The following ADAMTS14 variants were observed in gnomAD, a reference collection of about 807,000 sequenced individuals.
ADAMTS14 encodes A disintegrin and metalloproteinase with thrombospondin motifs 14.
ADAMTS14 carries 100 observed loss-of-function variants against 128.6 expected under a neutral mutation model. The ratio of observed to expected loss-of-function variants is 0.78; its 90% CI spans 0.66 to 0.92. The LOEUF is 0.92. Among genes scored for constraint, ADAMTS14 ranks in the 40% least tolerant of loss-of-function variants. The probability of loss-of-function intolerance (pLI) is 0.00; values close to 1 mark genes in which losing one functional copy is unlikely to be tolerated. For synonymous variants in ADAMTS14, 665 were observed against 653.8 expected (o/e 1.02, Z -0.26); for missense variants, 1,562 against 1,658.6 (o/e 0.94, Z 1.01).
chr10:70,706,360 C>T (rs1441714889), intron 3 of ADAMTS14, among the ~76,000 whole-genome samples: 1 of 152,238 alleles, frequency 6.6e-6, no homozygotes, highest in African/African-American at 2.4e-5. Flanking sequence ...ACAGGCCTGG[C>T]AGGGAGGGCT....
chr10:70,678,341 T>C (rs555893906), intron 2 of ADAMTS14, among the ~76,000 whole-genome samples: 91 of 152,322 alleles, frequency 6.0e-4, no homozygotes, highest in African/African-American at 2.1e-3. Flanking sequence ...AACCCACCAG[T>C]AGTTTCAGCA....
In ADAMTS14 at chr10:70,760,486, C is replaced by G. The variant is rs1842581886; in HGVS notation, c.3305C>G (p.Pro1102Arg). Residue 1102 changes from proline to arginine, a missense_variant, in exon 22 of 22, where the codon CCT becomes CGT. Coordinates refer to ENST00000373207, the MANE Select transcript of ADAMTS14 (RefSeq NM_080722.4). ...SCIKKASGPN[P>R]GPDPGPTSLP... Reference sequence around the variant, plus strand: ...ATCAAGAAGGCCTCGGGCCCCAACCCTGGCCCAGACCCTGGCCCAACCTCA... The same window carrying G: ...ATCAAGAAGGCCTCGGGCCCCAACCGTGGCCCAGACCCTGGCCCAACCTCA... 1.2e-6 allele frequency: 2 copies of G among 1,613,866 alleles called. No homozygotes were observed. Among genetic ancestry groups the G allele is most frequent in the South Asian group, 2.2e-5 (2 of 91,082 alleles).
intron 1 of ADAMTS14, 146 bp downstream of exon 1, chr10:70,673,030 C>G (rs1385131778): frequency 8.4e-7 from 1 of 1,190,544 alleles, no homozygotes; most frequent in Non-Finnish European, 1.1e-6. Flanking sequence ...GTCTTTTCTT[C>G]CACTGTGCCA....
chr10:70,706,343 T>C (rs1840666769), intron 3 of ADAMTS14, among the ~76,000 whole-genome samples: 1 of 152,240 alleles, frequency 6.6e-6, no homozygotes, highest in African/African-American at 2.4e-5. Flanking sequence ...TCTCCAGCCT[T>C]CCTGTGACAG....
At chr10:70,730,001 T>C in intron 5 of ADAMTS14, 101 bp from the exon 6 acceptor site, 6 of 1,420,110 alleles carry the variant, frequency 4.2e-6, no homozygotes, top group Non-Finnish European at 5.7e-6. Context: ...TGCAGTCCTC[T>C]GGGCCTTAGC....
chr10:70,678,143 G>A (rs1414294287), intron 2 of ADAMTS14, among the ~76,000 whole-genome samples: 1 of 152,216 alleles, frequency 6.6e-6, no homozygotes, highest in Non-Finnish European at 1.5e-5. Flanking sequence ...TGCAGATGAG[G>A]AAACTGAGTC....
intron 14 of ADAMTS14, 107 bp downstream of exon 14, chr10:70,744,296 A>G: frequency 1.5e-6 from 2 of 1,347,176 alleles, no homozygotes; most frequent in Non-Finnish European, 1.9e-6. Flanking sequence ...GGTGGGGAGA[A>G]GGGGCCCTGG....
chr10:70,720,204 TA>T (rs1469022528), intron 4 of ADAMTS14, among the ~76,000 whole-genome samples: 1 of 152,116 alleles, frequency 6.6e-6, no homozygotes, highest in South Asian at 2.1e-4. Context: ...AAAAGGCAGC[TA>T]AAAGTGCTCA....
rs1303779889 is a variant in ADAMTS14, at chr10:70,760,469, G to A, written c.3288G>A (p.Lys1096=). The stretch of plus-strand genomic sequence containing the variant: ...TCTGCTGTGTGTCCTGCATCAAGAA[G>A]GCCTCGGGCCCCAACCCTGGCCCAG... ...HRLCCVSCIK[K]ASGPNPGPDP... is the part of the protein sequence containing the mutation. The change falls in exon 22 of 22, where the codon AAG becomes AAA. Residue 1096 remains lysine, a synonymous_variant. Coordinates refer to ENST00000373207, the MANE Select transcript of ADAMTS14 (RefSeq NM_080722.4). 3 of 1,613,714 alleles carry A rather than the reference G, an allele frequency of 1.9e-6. No homozygotes were observed. Among genetic ancestry groups the A allele is most frequent in the Non-Finnish European group, 2.5e-6 (3 of 1,179,960 alleles).
intron 2 of ADAMTS14, among the ~76,000 whole-genome samples, chr10:70,700,726 G>C (rs1840468248): frequency 6.6e-6 from 1 of 152,190 alleles, no homozygotes; most frequent in African/African-American, 2.4e-5. Flanking sequence ...ACCCACAGAT[G>C]GCACCTCCTT....
chr10:70,740,325 T>G (rs753781711), intron 11 of ADAMTS14, among the ~76,000 whole-genome samples: 5 of 152,214 alleles, frequency 3.3e-5, no homozygotes, highest in Non-Finnish European at 7.3e-5. Context: ...TCTTACCCAA[T>G]CCTCTTGACT....
chr10:70,752,460 G>T (rs1057263235), intron 18 of ADAMTS14, among the ~76,000 whole-genome samples: 2 of 152,072 alleles, frequency 1.3e-5, no homozygotes, highest in East Asian at 3.9e-4. Flanking sequence ...CCAGCCCCCA[G>T]CCATGGTCCA....
At chr10:70,716,916 A>T (rs1420208782) in intron 4 of ADAMTS14, among the ~76,000 whole-genome samples, 1 of 152,038 alleles carries the variant, frequency 6.6e-6, no homozygotes, top group Admixed American at 6.5e-5. Flanking sequence ...TGACCTGGGG[A>T]GGTGCTATGG....
intron 4 of ADAMTS14, among the ~76,000 whole-genome samples, chr10:70,728,858 G>C (rs1225454297): frequency 6.6e-6 from 1 of 152,188 alleles, no homozygotes; most frequent in African/African-American, 2.4e-5. Flanking sequence ...CCCCAGGGCC[G>C]GGGTACTGTA....
At position 70,751,608 on chromosome 10, in the gene ADAMTS14, T is replaced by C; in HGVS notation, c.2558T>C (p.Leu853Pro). 6.2e-7 allele frequency: 1 copy of C among 1,612,388 alleles called. No individual in the cohort carries two copies. Among genetic ancestry groups the C allele is most frequent in the South Asian group, 1.1e-5 (1 of 91,032 alleles). Residue 853 changes from leucine (L) to proline (P), a missense_variant, in exon 17 of 22, where the codon CTC becomes CCC. By Grantham distance (98) the Leu-to-Pro change is moderately conservative. Transcript: ENST00000373207. ...GAGATGGACACCTATGAGTGGGCGC[T>C]CAAGAGCTGGGCCCCCTGCAGCAAG... ...LEEMDTYEWA[L>P]KSWAPCSKAC...
intron 4 of ADAMTS14, among the ~76,000 whole-genome samples, 173 bp from the exon 5 acceptor site, chr10:70,729,121 C>G (rs923726554): frequency 6.6e-6 from 1 of 152,016 alleles, no homozygotes; most frequent in Non-Finnish European, 1.5e-5. Context: ...TGTCCTCGGG[C>G]AGGTCATTTT....
intron 17 of ADAMTS14, among the ~76,000 whole-genome samples, chr10:70,751,876 A>G (rs1378644935): frequency 6.6e-6 from 1 of 152,234 alleles, no homozygotes; most frequent in African/African-American, 2.4e-5. Context: ...GAGCTCACCC[A>G]CTGTGGGGAC....
Position 70,762,305 on chromosome 10 carries a change from C to T in ADAMTS14, c.*1452C>T, listed in dbSNP as rs1302563981. Reference sequence around the variant, plus strand: ...CTCCCCGCCCTCCCCCTGTTGCCCTCCCCTCCCTGGGATGCTGGGGCACAC... The same window carrying T: ...CTCCCCGCCCTCCCCCTGTTGCCCTTCCCTCCCTGGGATGCTGGGGCACAC... On this transcript the variant is annotated 3_prime_UTR_variant, in exon 22 of 22. Coordinates refer to ENST00000373207, the MANE Select transcript of ADAMTS14 (RefSeq NM_080722.4). The T allele has an allele frequency of 6.6e-6, 1 of 152,310 alleles. No homozygotes were observed. Among genetic ancestry groups the T allele is most frequent in the Non-Finnish European group, 1.5e-5 (1 of 68,106 alleles). 9.4% of individuals were successfully genotyped at this position (152,310 alleles called of 1,614,324 possible). A position where few individuals can be genotyped will look rare whatever the true frequency, so the allele number is the denominator to read the frequency against.
chr10:70,761,519 GC>G lies in ADAMTS14; in HGVS notation c.*668del, dbSNP rs1842612846. On this transcript the variant is annotated 3_prime_UTR_variant, in exon 22 of 22. Transcript: ENST00000373207. Reference sequence around the variant, plus strand: ...AGATGGTGCTCATGGCCATACTCTGGCCTTGCAGATGTCACTAGTGTTACTT... The same window carrying G: ...AGATGGTGCTCATGGCCATACTCTGGCTTGCAGATGTCACTAGTGTTACTT... The G allele has an allele frequency of 6.6e-6, 1 of 152,208 alleles. No individual in the cohort carries two copies. The highest frequency in any genetic ancestry group is 2.4e-5 in the African/African-American group (1 of 41,426). The allele number at this position is 152,208 out of a possible 1,614,324, so 9.4% of individuals were successfully genotyped here. A position where few individuals can be genotyped will look rare whatever the true frequency, so the allele number is the denominator to read the frequency against.
Sources: allele counts gnomAD v4.1 joint callset (sites outside exome capture counted in the v4.1 genomes callset), GRCh38; gene constraint gnomAD v4.1.1; transcripts MANE v1.5; gene names NCBI Gene and HGNC (gene_info 2026-07-23, HGNC 2026-07-21).